IL20RB: variants seen among roughly 807,000 people sequenced by gnomAD.
IL20RB encodes the protein interleukin-20 receptor subunit beta.
A neutral mutation model predicts 33.3 loss-of-function variants in IL20RB; 21 were observed. That is an observed-to-expected ratio of 0.63 (90% confidence interval 0.45 to 0.91). The LOEUF (loss-of-function observed/expected upper bound fraction) is 0.91, where lower values mean the gene tolerates loss of function less well. IL20RB is among the 40% of genes least tolerant of loss of function. The pLI, the probability that IL20RB is intolerant of heterozygous loss-of-function variation, is 0.00. For synonymous variants in IL20RB, 147 were observed against 146.8 expected (o/e 1.00, Z -0.01); for missense variants, 345 against 384.8 (o/e 0.90, Z 0.86).
intron 6 of IL20RB, among the ~76,000 whole-genome samples, chr3:137,009,355 A>G (rs1243015422): frequency 6.6e-6 from 1 of 152,200 alleles, no homozygotes; most frequent in African/African-American, 2.4e-5. Flanking sequence ...GTTTATAACT[A>G]GTAATGATTG....
At chr3:137,009,967 C>G in intron 6 of IL20RB, 146 bp from the exon 7 acceptor site, 1 of 578,332 alleles carries the variant, frequency 1.7e-6, no homozygotes, top group Admixed American at 2.9e-5. Flanking sequence ...GTTGGAAGCC[C>G]CTGATCTAGG....
At chr3:137,002,972 T>C (rs1942276747) in intron 6 of IL20RB, among the ~76,000 whole-genome samples, 1 of 152,232 alleles carries the variant, frequency 6.6e-6, no homozygotes, top group Non-Finnish European at 1.5e-5. Flanking sequence ...GGATCCAGTT[T>C]CAGCTTTCTA....
chr3:137,002,740 G>A (rs752254038), intron 6 of IL20RB, among the ~76,000 whole-genome samples: 1 of 152,056 alleles, frequency 6.6e-6, no homozygotes, highest in Non-Finnish European at 1.5e-5. Context: ...TCTGATGGTA[G>A]TTTCTTCTGC....
chr3:136,993,999 C>A (rs1385045166), intron 5 of IL20RB, among the ~76,000 whole-genome samples: 5 of 132,494 alleles, frequency 3.8e-5, no homozygotes, highest in Admixed American at 8.2e-5. Flanking sequence ...GGTGACAGAG[C>A]AAGACTGTCT....
intron 1 of IL20RB, among the ~76,000 whole-genome samples, chr3:136,972,055 T>C (rs1050961114): frequency 3.9e-5 from 6 of 152,236 alleles, no homozygotes; most frequent in Admixed American, 1.3e-4. Context: ...TGACATCTCA[T>C]TGAGGTTTCA....
intron 1 of IL20RB, among the ~76,000 whole-genome samples, chr3:136,964,475 G>T (rs1941318110): frequency 2.8e-5 from 2 of 72,352 alleles, no homozygotes; most frequent in Non-Finnish European, 5.2e-5. Context: ...TGTGTTTTTT[G>T]GCTGCATAAA....
chr3:136,986,705 C>T (rs1181840013), intron 3 of IL20RB: 1 of 456,824 alleles, frequency 2.2e-6, no homozygotes, highest in Non-Finnish European at 4.4e-6. Context: ...AACTGCCTTT[C>T]TTCTGAGTGT....
In IL20RB at chr3:137,010,670, A is replaced by T. The variant is rs556000311; in HGVS notation, c.*447A>T. 6.5e-6 allele frequency: 1 copy of T among 154,480 alleles called. No homozygotes were observed. Among genetic ancestry groups the T allele is most frequent in the East Asian group, 1.9e-4 (1 of 5,270 alleles). 9.6% of individuals were successfully genotyped at this position (154,480 alleles called of 1,614,324 possible). Reference sequence around the variant, plus strand: ...ATTCAGTGTTTCTGGAGAGCAGGACATAAATGTATGATGAGAATGATCAAG... The same window carrying T: ...ATTCAGTGTTTCTGGAGAGCAGGACTTAAATGTATGATGAGAATGATCAAG... On this transcript the variant is annotated 3_prime_UTR_variant, in exon 7 of 7. Coordinates refer to ENST00000329582, the MANE Select transcript of IL20RB (RefSeq NM_144717.4).
chr3:136,976,588 G>A (rs1361222812), intron 1 of IL20RB, among the ~76,000 whole-genome samples: 1 of 152,080 alleles, frequency 6.6e-6, no homozygotes, highest in Non-Finnish European at 1.5e-5. Context: ...TCTCAGCCCC[G>A]GCAGCACTCA....
chr3:136,960,676 G>C (rs1426184527), intron 1 of IL20RB, among the ~76,000 whole-genome samples: 2 of 152,216 alleles, frequency 1.3e-5, no homozygotes, highest in South Asian at 2.1e-4. Flanking sequence ...TAGAGACTAG[G>C]AGAGGTTCAG....
In IL20RB at chr3:136,960,441, C is replaced by T. The variant is rs112817950; in HGVS notation, c.88+2240C>T. 7.8e-3 allele frequency among the ~76,000 whole-genome samples: 1,180 copies of T among 152,240 alleles called. 9 individuals are homozygous for T. Among genetic ancestry groups the T allele is most frequent in the Non-Finnish European group, 0.014 (940 of 68,010 alleles). On this transcript the variant is annotated intron_variant, in intron 1 of 6. Transcript: ENST00000329582. ...GATTACAGGCATGAGCCACCACATC[C>T]GGCCATGGCTGTCTTTCATAGAAAT...
chr3:136,994,548 C>T (rs1244938685), intron 5 of IL20RB, among the ~76,000 whole-genome samples: 1 of 152,188 alleles, frequency 6.6e-6, no homozygotes, highest in African/African-American at 2.4e-5. Flanking sequence ...CACAAGTCCA[C>T]CAGCTTCTCC....
At chr3:136,998,550 AT>A (rs1046193766) in intron 6 of IL20RB, among the ~76,000 whole-genome samples, 3 of 150,622 alleles carry the variant, frequency 2.0e-5, no homozygotes, top group African/African-American at 7.3e-5. Flanking sequence ...CTAGTGACAA[AT>A]TCTCTTTGAT....
chr3:136,996,297 C>T (rs1411070661), intron 6 of IL20RB, among the ~76,000 whole-genome samples: 5 of 152,088 alleles, frequency 3.3e-5, no homozygotes, highest in Non-Finnish European at 5.9e-5. Context: ...TTCCCGCCAA[C>T]CCCCAGACCT....
intron 3 of IL20RB, chr3:136,986,634 A>G (rs1217518152): frequency 2.0e-5 from 9 of 456,148 alleles, no homozygotes; most frequent in Non-Finnish European, 2.6e-5. Context: ...GCAGGCATAA[A>G]CACTTCTCTG....
intron 1 of IL20RB, 192 bp from the exon 2 acceptor site, chr3:136,980,274 T>C: frequency 1.7e-6 from 1 of 596,278 alleles, no homozygotes; most frequent in Admixed American, 3.1e-5. Context: ...TTGTTTCTGG[T>C]TTATAAACAT....
chr3:136,970,625 TC>T, intron 1 of IL20RB, among the ~76,000 whole-genome samples: 1 of 44,554 alleles, frequency 2.2e-5, no homozygotes, highest in Non-Finnish European at 4.4e-5. Flanking sequence ...CTTCCTTCCT[TC>T]CTTCCTTCCT....
intron 6 of IL20RB, among the ~76,000 whole-genome samples, chr3:137,009,883 GA>G (rs1263192517): frequency 6.6e-6 from 1 of 151,982 alleles, no homozygotes; most frequent in African/African-American, 2.4e-5. Context: ...CAGGGTCTTA[GA>G]ATGAGGAACT....
At chr3:137,000,534 G>A (rs1577032388) in intron 6 of IL20RB, among the ~76,000 whole-genome samples, 1 of 152,200 alleles carries the variant, frequency 6.6e-6, no homozygotes, top group Admixed American at 6.5e-5. Flanking sequence ...TGAACTTTTA[G>A]TTGCTCTACC....
Sources: allele counts gnomAD v4.1 joint callset (sites outside exome capture counted in the v4.1 genomes callset), GRCh38; gene constraint gnomAD v4.1.1; transcripts MANE v1.5; gene names NCBI Gene and HGNC (gene_info 2026-07-23, HGNC 2026-07-21).